AK5: variants seen among roughly 807,000 people sequenced by gnomAD.
AK5 encodes the protein adenylate kinase isoenzyme 5.
A neutral mutation model predicts 69.5 loss-of-function variants in AK5; 27 were observed. The observed-to-expected ratio is 0.39, with a 90% CI of 0.29 to 0.54. The LOEUF (loss-of-function observed/expected upper bound fraction) is 0.54, where lower values mean the gene tolerates loss of function less well. Ranked by LOEUF, AK5 falls within the 20% of genes least tolerant of loss-of-function variation. The pLI is 0.71. For synonymous variants in AK5, 260 were observed against 244.4 expected, an observed-to-expected ratio of 1.06 and a Z score of -0.60; for missense variants, 531 against 700.4, an observed-to-expected ratio of 0.76 and a Z score of 2.73.
At chr1:77,478,946 A>G (rs1181834430) in intron 8 of AK5, among the ~76,000 whole-genome samples, 1 of 150,030 alleles carries the variant, frequency 6.7e-6, no homozygotes, top group South Asian at 2.1e-4. Context: ...TTTTTTGCAT[A>G]TACACCTACA....
chr1:77,485,587 T>C (rs1213459744), intron 9 of AK5, among the ~76,000 whole-genome samples: 1 of 152,242 alleles, frequency 6.6e-6, no homozygotes, highest in African/African-American at 2.4e-5. Flanking sequence ...TGAAACTATT[T>C]TTTAAAATAT....
chr1:77,395,061 A>G (rs1648742788), intron 6 of AK5, among the ~76,000 whole-genome samples: 1 of 151,986 alleles, frequency 6.6e-6, no homozygotes, highest in African/African-American at 2.4e-5. Flanking sequence ...GAAGGAGATC[A>G]CTTTGGGAGA....
intron 10 of AK5, among the ~76,000 whole-genome samples, chr1:77,504,662 T>G (rs1415555377): frequency 6.6e-6 from 1 of 152,194 alleles, no homozygotes; most frequent in Non-Finnish European, 1.5e-5. Flanking sequence ...TGGACGCATG[T>G]GTCTTACCAA....
intron 10 of AK5, among the ~76,000 whole-genome samples, chr1:77,516,736 T>C (rs1216569777): frequency 2.0e-5 from 3 of 151,202 alleles, no homozygotes; most frequent in Admixed American, 2.0e-4. Flanking sequence ...AGTCCAAGAA[T>C]TGTGTTAGTT....
intron 5 of AK5, among the ~76,000 whole-genome samples, chr1:77,327,731 A>G (rs1333080426): frequency 6.6e-6 from 1 of 152,162 alleles, no homozygotes; most frequent in East Asian, 1.9e-4. Context: ...TATTTTGTCT[A>G]ATCTCAGTGC....
rs1265566224 is a variant in AK5 at position 77,340,511 on chromosome 1, C to G, written c.834C>G (p.Phe278Leu). 3 of 1,614,138 alleles carry G rather than the reference C, an allele frequency of 1.9e-6. No homozygotes were observed. Among genetic ancestry groups the G allele is most frequent in the Non-Finnish European group, 2.5e-6 (3 of 1,179,998 alleles). The change falls in exon 6 of 14, where the codon TTC (phenylalanine) becomes TTG (leucine). Residue 278 changes from phenylalanine (F) to leucine (L), a missense_variant. By Grantham distance (22) the Phe-to-Leu change is conservative (BLOSUM62 0). Transcript: ENST00000354567. ...VKATQRRLMN[F>L]KQNAAPLVKY... is the part of the protein sequence containing the mutation. ...CTACCCAAAGGAGACTAATGAACTT[C>G]AAGCAGAATGCTGCTCCATTGGTTA...
At chr1:77,335,267 T>A (rs767089254) in intron 5 of AK5, among the ~76,000 whole-genome samples, 16 of 152,158 alleles carry the variant, frequency 1.1e-4, no homozygotes, top group Non-Finnish European at 2.1e-4. Flanking sequence ...AAGATTGAGT[T>A]GTCTGTGTAA....
At chr1:77,290,057 A>G (rs1048412322) in intron 2 of AK5, among the ~76,000 whole-genome samples, 1 of 152,198 alleles carries the variant, frequency 6.6e-6, no homozygotes, top group African/African-American at 2.4e-5. Flanking sequence ...TGTTAATTTT[A>G]GGTTCTCCAT....
rs573521161 is a variant in AK5 at position 77,552,362 on chromosome 1, A to G, written c.1621-6240A>G. 1.1e-3 allele frequency among the ~76,000 whole-genome samples: 166 copies of G among 152,290 alleles called. 1 individual carries two copies. The highest frequency in any genetic ancestry group is 3.6e-3 in the African/African-American group (150 of 41,554). ...CCTATACCCATCGTAATGGTCCCCA[A>G]TAAAGCCTCCCTTACCGTGCTTTAA... On this transcript the variant is annotated intron_variant, in intron 13 of 13. Coordinates refer to ENST00000354567, the MANE Select transcript of AK5 (RefSeq NM_174858.3).
In AK5 at chr1:77,441,768, C is replaced by T. The variant is rs76938891; in HGVS notation, c.1059+24053C>T. ...CACAGCCTAGAAGCAATTGCAGTGGCACTGGTCACAGAGGCAGGTGCCCAG... is the reference window on the plus strand; with the variant it reads ...CACAGCCTAGAAGCAATTGCAGTGGTACTGGTCACAGAGGCAGGTGCCCAG... On this transcript the variant is annotated intron_variant, in intron 8 of 13. Coordinates refer to ENST00000354567, the MANE Select transcript of AK5 (RefSeq NM_174858.3). Among the ~76,000 whole-genome samples the T allele has an allele frequency of 5.2e-4, 79 of 152,312 alleles. No homozygotes were observed. In the East Asian group the frequency reaches 0.013, roughly 25 times the overall value.
chr1:77,484,975 C>CA lies in AK5; in HGVS notation c.1103-1325dup, dbSNP rs201266006. 5.2e-3 allele frequency among the ~76,000 whole-genome samples: 792 copies of CA among 151,826 alleles called. 5 individuals carry two copies. Among genetic ancestry groups the CA allele is most frequent in the African/African-American group, 0.018 (753 of 41,428 alleles). ...AAACTGAAATAGGATACAATCATAC[C>CA]AAAAAAAATCACAATAATAACCAGG... On this transcript the variant is annotated intron_variant, in intron 9 of 13. Coordinates refer to ENST00000354567, the MANE Select transcript of AK5 (RefSeq NM_174858.3).
chr1:77,554,457 A>G (rs1659974616), intron 13 of AK5, among the ~76,000 whole-genome samples: 2 of 152,096 alleles, frequency 1.3e-5, no homozygotes, highest in Admixed American at 1.3e-4. Flanking sequence ...CCTTCATATG[A>G]TAGAGGAGGA....
At chr1:77,435,769 A>G (rs761077624) in intron 8 of AK5, among the ~76,000 whole-genome samples, 1 of 152,190 alleles carries the variant, frequency 6.6e-6, no homozygotes, top group African/African-American at 2.4e-5. Flanking sequence ...TGTTGTTCTA[A>G]TATAAGAAAC....
intron 7 of AK5, among the ~76,000 whole-genome samples, chr1:77,415,422 A>G (rs904115889): frequency 1.1e-4 from 17 of 152,210 alleles, no homozygotes; most frequent in African/African-American, 4.1e-4. Context: ...GAATCACTCT[A>G]AGTACAGGTG....
intron 3 of AK5, among the ~76,000 whole-genome samples, chr1:77,295,689 T>C (rs1459019053): frequency 6.6e-6 from 1 of 152,200 alleles, no homozygotes; most frequent in African/African-American, 2.4e-5. Context: ...TTTGTTGTTC[T>C]TGCTGCTAGT....
intron 8 of AK5, among the ~76,000 whole-genome samples, chr1:77,482,152 A>C (rs1453097144): frequency 6.6e-6 from 1 of 152,202 alleles, no homozygotes; most frequent in Non-Finnish European, 1.5e-5. Context: ...ATTTATGTTC[A>C]CATGTATCCC....
At chr1:77,505,731 A>C (rs1557642074) in intron 10 of AK5, among the ~76,000 whole-genome samples, 1 of 151,386 alleles carries the variant, frequency 6.6e-6, no homozygotes, top group South Asian at 2.1e-4. Flanking sequence ...AAAAAAAAAA[A>C]AACAAAAATT....
intron 6 of AK5, among the ~76,000 whole-genome samples, chr1:77,353,252 C>T (rs1295760464): frequency 2.6e-5 from 4 of 152,076 alleles, no homozygotes; most frequent in African/African-American, 9.6e-5. Flanking sequence ...CCAAGGTGGG[C>T]GGATTGCCTG....
chr1:77,490,371 C>A (rs1192797104), intron 10 of AK5, among the ~76,000 whole-genome samples: 1 of 152,166 alleles, frequency 6.6e-6, no homozygotes, highest in East Asian at 1.9e-4. Flanking sequence ...CCCTGATGGT[C>A]ATCTGAGTGG....
Sources: gnomAD v4.1 joint callset for allele counts (sites outside exome capture counted in the v4.1 genomes callset) on GRCh38, gnomAD v4.1.1 for gene constraint, MANE v1.5 for transcripts, NCBI Gene and HGNC (gene_info 2026-07-23, HGNC 2026-07-21) for gene names.